DCLK3: variants seen among roughly 807,000 people sequenced by gnomAD.
The protein encoded by DCLK3 is serine/threonine-protein kinase DCLK3.
A neutral mutation model predicts 46.4 loss-of-function variants in DCLK3; 30 were observed. The observed-to-expected ratio is 0.65, with a 90% CI of 0.48 to 0.88. The LOEUF is 0.88. Among genes scored for constraint, DCLK3 ranks in the 40% least tolerant of loss-of-function variants. The probability of loss-of-function intolerance (pLI) is 0.00; values close to 1 mark genes in which losing one functional copy is unlikely to be tolerated. For missense variants in DCLK3, 846 were observed against 907.1 expected (o/e 0.93, Z 0.87); for synonymous variants, 401 against 339.2 (o/e 1.18, Z -2.00).
chr3:36,756,957 A>G (rs1176626587), intron 1 of DCLK3, among the ~76,000 whole-genome samples: 1 of 151,734 alleles, frequency 6.6e-6, no homozygotes, highest in African/African-American at 2.4e-5. Flanking sequence ...AGGCTCTGCT[A>G]TGAAAACAAT....
At chr3:36,732,746 G>A (rs1701213637) in intron 2 of DCLK3, among the ~76,000 whole-genome samples, 1 of 152,176 alleles carries the variant, frequency 6.6e-6, no homozygotes. Flanking sequence ...GACTATTAAT[G>A]AGAAGACATG....
At position 36,764,313 on chromosome 3, in the gene DCLK3, G is replaced by A. The variant is rs1198314369; in HGVS notation, c.-50C>T. ...GCCTGGAGCAGAGGTGGCAGCGCGGGGACGCGGCTCGACGGTCGAGCAGGC... is the reference window on the plus strand; with the variant it reads ...GCCTGGAGCAGAGGTGGCAGCGCGGAGACGCGGCTCGACGGTCGAGCAGGC... On this transcript the variant is annotated 5_prime_UTR_variant, in exon 1 of 5. Coordinates refer to ENST00000636136, the MANE Select transcript of DCLK3 (RefSeq NM_001394672.2). This position sits in a 1 kb window ranked among gnomAD's most constrained non-coding sequence, Gnocchi z 4.9. 12 of 221,306 alleles carry A rather than the reference G, an allele frequency of 5.4e-5. No individual in the cohort carries two copies. Among genetic ancestry groups the A allele is most frequent in the African/African-American group, 2.6e-4 (11 of 43,106 alleles). The allele number at this position is 221,306 out of a possible 1,614,324, so 13.7% of individuals were successfully genotyped here.
chr3:36,752,344 C>T (rs1701449894), intron 1 of DCLK3, among the ~76,000 whole-genome samples: 1 of 152,176 alleles, frequency 6.6e-6, no homozygotes, highest in African/African-American at 2.4e-5. Context: ...GGCCGCACTC[C>T]CCACCCACCT....
At chr3:36,720,988 A>G (rs1442155739) in intron 3 of DCLK3, among the ~76,000 whole-genome samples, 2 of 152,248 alleles carry the variant, frequency 1.3e-5, no homozygotes, top group Non-Finnish European at 2.9e-5. Context: ...GAGCCATATC[A>G]TAACTATTAT....
In DCLK3 at chr3:36,737,958, G is replaced by A; in HGVS notation, c.1209C>T (p.Ser403=). 2 of 1,614,094 alleles carry A rather than the reference G, an allele frequency of 1.2e-6. No individual in the cohort carries two copies. Among genetic ancestry groups the A allele is most frequent in the Non-Finnish European group, 8.5e-7 (1 of 1,180,014 alleles). ...TGGCCTTGGCTGCTCCCTGAGCATG[G>A]CTTTCTTGATCCTCTGGGCCTCTGT... ...KEDRGPEDQE[S]HAQGAAKAKK... The change falls in exon 2 of 5, where the codon AGC becomes AGT. Residue 403 remains serine, a synonymous_variant. Coordinates refer to ENST00000636136, the MANE Select transcript of DCLK3 (RefSeq NM_001394672.2). The surrounding 1 kb of genome is among the most constrained non-coding windows in gnomAD (Gnocchi z 4.4).
chr3:36,737,822 G>GCT lies in DCLK3; in HGVS notation c.1343_1344dup (p.His449SerfsTer33). ...CGGAGCTTCTCAAAGCCCGCCTGGTGCTCTCTCAGGAGCCAGCCACCATGT... is the reference window on the plus strand; with the variant it reads ...CGGAGCTTCTCAAAGCCCGCCTGGTGCTCTCTCTCAGGAGCCAGCCACCATGT... On this transcript the variant is annotated frameshift_variant, in exon 2 of 5. Transcript: ENST00000636136. LOFTEE classifies it high-confidence loss of function. This position sits in a 1 kb window ranked among gnomAD's most constrained non-coding sequence, Gnocchi z 4.4. 1 of 1,614,010 alleles carries GCT rather than the reference G, an allele frequency of 6.2e-7. No individual in the cohort carries two copies. The highest frequency in any genetic ancestry group is 8.5e-7 in the Non-Finnish European group (1 of 1,180,032).
rs1431356811 is a variant in DCLK3 at position 36,714,915 on chromosome 3, C to G, written c.*413G>C. ...CCAGCACAAAGAAGTAATCAGAATACAGGCCCACTTCTGTTATTCAGAGCA... is the reference window on the plus strand; with the variant it reads ...CCAGCACAAAGAAGTAATCAGAATAGAGGCCCACTTCTGTTATTCAGAGCA... On this transcript the variant is annotated 3_prime_UTR_variant, in exon 5 of 5. Transcript: ENST00000636136. 1.2e-5 allele frequency: 2 copies of G among 165,746 alleles called. No homozygotes were observed. Among genetic ancestry groups the G allele is most frequent in the African/African-American group, 4.8e-5 (2 of 41,522 alleles). 10.3% of individuals were successfully genotyped at this position (165,746 alleles called of 1,614,324 possible).
At chr3:36,726,639 T>C (rs769032476) in intron 2 of DCLK3, among the ~76,000 whole-genome samples, 12 of 152,322 alleles carry the variant, frequency 7.9e-5, no homozygotes, top group Middle Eastern at 3.4e-3. Context: ...TGCTTTGGTT[T>C]CTGCCAGTGA....
At position 36,738,163 on chromosome 3, in the gene DCLK3, A is replaced by G. The variant is rs1334084860; in HGVS notation, c.1004T>C (p.Met335Thr). 16 of 1,613,952 alleles carry G rather than the reference A, an allele frequency of 9.9e-6. No homozygotes were observed. The highest frequency in any genetic ancestry group is 2.2e-5 in the South Asian group (2 of 91,016). ...RLSLGTSELD[M>T]GKGPMYDVEK... The stretch of plus-strand genomic sequence containing the variant: ...CACATCATACATTGGGCCCTTCCCC[A>G]TATCCAGCTCACTGGTCCCCAGAGA... The change falls in exon 2 of 5, where the codon ATG (methionine) becomes ACG (threonine). Residue 335 changes from methionine to threonine, a missense_variant. Transcript: ENST00000636136.
chr3:36,736,097 C>T (rs903443979), intron 2 of DCLK3, among the ~76,000 whole-genome samples: 15 of 152,260 alleles, frequency 9.9e-5, no homozygotes, highest in Admixed American at 7.8e-4. Flanking sequence ...CTAAGTTTAC[C>T]GACTCATTGT....
At chr3:36,733,943 T>C (rs1303448114) in intron 2 of DCLK3, among the ~76,000 whole-genome samples, 1 of 152,174 alleles carries the variant, frequency 6.6e-6, no homozygotes, top group African/African-American at 2.4e-5. Context: ...AGCCATGTAA[T>C]CAAAAGTTAG....
In DCLK3 at chr3:36,755,875, C is replaced by A. The variant is rs142753903; in HGVS notation, c.82+8307G>T. Among the ~76,000 whole-genome samples the A allele has an allele frequency of 2.9e-4, 44 of 152,324 alleles. No individual in the cohort carries two copies. The East Asian group carries it at 7.7e-3, about 27-fold the overall frequency. On this transcript the variant is annotated intron_variant, in intron 1 of 4. Transcript: ENST00000636136. ...CCTAGCAGCTTTCTCCATCTCTGAT[C>A]CTCCATTCAAAGCACATGGCCTCCA... is the stretch of plus-strand genomic sequence containing the variant.
chr3:36,728,385 T>C (rs960704128), intron 2 of DCLK3, among the ~76,000 whole-genome samples: 2 of 152,086 alleles, frequency 1.3e-5, no homozygotes, highest in Non-Finnish European at 2.9e-5. Context: ...CGGTGTCTGT[T>C]AGGTATTTCC....
At chr3:36,715,561 G>A in intron 4 of DCLK3, 40 bp from the exon 5 acceptor site, 2 of 1,507,020 alleles carry the variant, frequency 1.3e-6, no homozygotes, top group African/African-American at 1.4e-5. Flanking sequence ...ATGAATGCAG[G>A]TGGTTCTGAA....
intron 2 of DCLK3, among the ~76,000 whole-genome samples, chr3:36,723,925 C>A (rs559782755): frequency 1.3e-5 from 2 of 152,288 alleles, no homozygotes; most frequent in South Asian, 4.2e-4. Context: ...GTCCTCCAGC[C>A]TTCAGAATGG....
chr3:36,715,821 G>C (rs1027693114), intron 4 of DCLK3, among the ~76,000 whole-genome samples: 14 of 152,190 alleles, frequency 9.2e-5, no homozygotes, highest in Admixed American at 3.9e-4. Flanking sequence ...GCAGCAGGGA[G>C]GGGGGTTACC....
At chr3:36,761,262 A>C (rs1009130993) in intron 1 of DCLK3, among the ~76,000 whole-genome samples, 1 of 152,230 alleles carries the variant, frequency 6.6e-6, no homozygotes, top group Non-Finnish European at 1.5e-5. Flanking sequence ...GGATGAGTCC[A>C]TGAAAATATT....
At chr3:36,763,716 T>C (rs528229551) in intron 1 of DCLK3, among the ~76,000 whole-genome samples, 2 of 152,322 alleles carry the variant, frequency 1.3e-5, no homozygotes, top group Admixed American at 1.3e-4. Flanking sequence ...ATCTGAGAAA[T>C]GGGGATAATT....
intron 1 of DCLK3, among the ~76,000 whole-genome samples, chr3:36,746,569 T>A (rs191041589): frequency 1.8e-4 from 27 of 152,328 alleles, no homozygotes; most frequent in Admixed American, 1.8e-3. Flanking sequence ...CACTGCTGGC[T>A]TTATTATGTC....
Sources: gnomAD v4.1 joint callset for allele counts (sites outside exome capture counted in the v4.1 genomes callset) on GRCh38, gnomAD v4.1.1 for gene constraint, Gnocchi (gnomAD v3.1) non-coding constraint, MANE v1.5 for transcripts, NCBI Gene and HGNC (gene_info 2026-07-23, HGNC 2026-07-21) for gene names.